LATS1: variants seen among roughly 807,000 people sequenced by gnomAD.
LATS1 encodes serine/threonine-protein kinase LATS1.
LATS1 carries 25 observed loss-of-function variants against 106.6 expected under a neutral mutation model. That is an observed-to-expected ratio of 0.23 (90% CI 0.17 to 0.33). LATS1 has a LOEUF of 0.33. LATS1 is among the 10% of genes least tolerant of loss of function. LATS1 has a pLI of 1.00. For missense variants in LATS1, 1,040 were observed against 1,382.6 expected, an observed-to-expected ratio of 0.75 and a Z score of 3.93; for synonymous variants, 465 against 455.6, an observed-to-expected ratio of 1.02 and a Z score of -0.26.
At chr6:149,697,824 C>T (rs1783187293) in intron 2 of LATS1, among the ~76,000 whole-genome samples, 1 of 151,990 alleles carries the variant, frequency 6.6e-6, no homozygotes, top group East Asian at 1.9e-4. Context: ...CAATCTCCAC[C>T]TCCCGGGTTC....
chr6:149,699,831 A>G (rs1243137026), intron 2 of LATS1, among the ~76,000 whole-genome samples: 1 of 152,236 alleles, frequency 6.6e-6, no homozygotes, highest in Non-Finnish European at 1.5e-5. Flanking sequence ...CCATAAATAC[A>G]TATTACTGGG....
intron 1 of LATS1, among the ~76,000 whole-genome samples, chr6:149,706,770 C>T (rs563297521): frequency 8.6e-5 from 13 of 152,042 alleles, no homozygotes; most frequent in Non-Finnish European, 1.9e-4. Flanking sequence ...CTGGAAGTGG[C>T]AAGGGACAGC....
chr6:149,687,951 T>C (rs1782498701), intron 3 of LATS1, among the ~76,000 whole-genome samples: 1 of 149,788 alleles, frequency 6.7e-6, no homozygotes, highest in Non-Finnish European at 1.5e-5. Flanking sequence ...CTCGGCTCAC[T>C]GCAAGCTCCG....
chr6:149,665,199 T>C (rs1028624009), intron 7 of LATS1, among the ~76,000 whole-genome samples: 9 of 152,032 alleles, frequency 5.9e-5, no homozygotes, highest in Non-Finnish European at 1.2e-4. Flanking sequence ...CCGTCTCTAT[T>C]AAAATACAAA....
intron 1 of LATS1, among the ~76,000 whole-genome samples, chr6:149,706,421 G>C (rs1424618633): frequency 6.6e-6 from 1 of 150,742 alleles, no homozygotes; most frequent in African/African-American, 2.4e-5. Context: ...GAGGTGGGAG[G>C]ATCACTTGAG....
intron 7 of LATS1, among the ~76,000 whole-genome samples, chr6:149,668,804 G>C (rs1348703520): frequency 1.3e-5 from 2 of 151,712 alleles, no homozygotes; most frequent in Non-Finnish European, 2.9e-5. Flanking sequence ...TACATTGTTG[G>C]ATGAGGTAGG....
rs57029776 is a variant in LATS1 at position 149,704,887 on chromosome 6, T to TACACACACACACAC, written c.-140-2635_-140-2622dup. Reference sequence around the variant, plus strand: ...AATTTATATTTATAGAAATTAATTATACACACACACACACACACACACACA... The same window carrying TACACACACACACAC: ...AATTTATATTTATAGAAATTAATTATACACACACACACACACACACACACACACACACACACACA... On this transcript the variant is annotated intron_variant, in intron 1 of 7. Transcript: ENST00000543571. Among the ~76,000 whole-genome samples, 323 of 139,870 alleles carry TACACACACACACAC rather than the reference T, an allele frequency of 2.3e-3. 2 individuals are homozygous for TACACACACACACAC. The highest frequency in any genetic ancestry group is 6.3e-3 in the African/African-American group (234 of 37,412). 91.8% of individuals were successfully genotyped at this position (139,870 alleles called of 152,430 possible).
intron 3 of LATS1, among the ~76,000 whole-genome samples, chr6:149,686,009 G>A (rs530685977): frequency 5.9e-5 from 9 of 152,168 alleles, no homozygotes; most frequent in African/African-American, 2.2e-4. Flanking sequence ...TACCTCTTGC[G>A]AATGTCTTCC....
intron 2 of LATS1, among the ~76,000 whole-genome samples, chr6:149,700,791 CTG>C (rs1406210614): frequency 6.6e-6 from 1 of 152,118 alleles, no homozygotes. Flanking sequence ...ATGTAATTAA[CTG>C]TTTTTTTGAG....
At chr6:149,697,991 T>G (rs1456676858) in intron 2 of LATS1, among the ~76,000 whole-genome samples, 1 of 152,198 alleles carries the variant, frequency 6.6e-6, no homozygotes, top group Non-Finnish European at 1.5e-5. Flanking sequence ...CTACCCACCT[T>G]GGCCTCCTGA....
intron 1 of LATS1, among the ~76,000 whole-genome samples, chr6:149,703,691 C>T (rs1783591167): frequency 1.3e-5 from 2 of 151,952 alleles, no homozygotes; most frequent in Admixed American, 1.3e-4. Flanking sequence ...TAGGGAGACC[C>T]TGTCTACATT....
rs1234115831 is a variant in LATS1 at position 149,684,446 on chromosome 6, A to G, written c.643T>C (p.Leu215=). ...PNSQTDVGRP[L]SGSGISAFVQ... ...AATGCTGATATACCAGATCCAGACAAAGGTCTTCCTACATCTGTCTGTGAG... is the reference window on the plus strand; with the variant it reads ...AATGCTGATATACCAGATCCAGACAGAGGTCTTCCTACATCTGTCTGTGAG... The change falls in exon 4 of 8, where the codon TTG becomes CTG. Residue 215 remains leucine, a synonymous_variant. Transcript: ENST00000543571. 1 of 1,614,004 alleles carries G rather than the reference A, an allele frequency of 6.2e-7. No individual in the cohort carries two copies. Among genetic ancestry groups the G allele is most frequent in the Non-Finnish European group, 8.5e-7 (1 of 1,179,984 alleles).
At chr6:149,703,499 A>C (rs1250842314) in intron 1 of LATS1, among the ~76,000 whole-genome samples, 2 of 152,172 alleles carry the variant, frequency 1.3e-5, no homozygotes, top group Non-Finnish European at 1.5e-5. Flanking sequence ...AGCTGGATAT[A>C]CAGTACTTCT....
rs143759421 is a variant in LATS1 at position 149,669,820 on chromosome 6, T to C, written c.2883+6440A>G. Among the ~76,000 whole-genome samples, 251 of 151,880 alleles carry C rather than the reference T, an allele frequency of 1.7e-3. 2 individuals are homozygous for C. Among genetic ancestry groups the C allele is most frequent in the African/African-American group, 5.7e-3 (235 of 41,306 alleles). On this transcript the variant is annotated intron_variant, in intron 7 of 7. Transcript: ENST00000543571. ...AAATAGTAGAGAATAAAGGGACCTA[T>C]ATGGCAGTATGGTTCTACATTGAAC...
chr6:149,676,206 T>C, intron 7 of LATS1, 54 bp downstream of exon 7: 1 of 1,218,638 alleles, frequency 8.2e-7, no homozygotes, highest in Non-Finnish European at 1.2e-6. Context: ...TAAATAAAAG[T>C]CAATGATGTA....
intron 1 of LATS1, among the ~76,000 whole-genome samples, chr6:149,707,117 G>A (rs1009291664): frequency 5.4e-5 from 8 of 146,814 alleles, no homozygotes; most frequent in Non-Finnish European, 1.2e-4. Context: ...CCTGGTTCAA[G>A]CAATTTTCCT....
rs777023544 is a variant in LATS1, at chr6:149,684,538, G to C, written c.551C>G (p.Ser184Cys). Residue 184 changes from serine (S) to cysteine (C), a missense_variant, in exon 4 of 8, where the codon TCC (serine) becomes TGC (cysteine). By Grantham distance (112) the Ser-to-Cys change is moderately radical (BLOSUM62 -1). Around this residue, in one of 7 missense-constraint regions of LATS1, gnomAD observed 624 missense variants for 714.8 expected, o/e 0.87. Coordinates refer to ENST00000543571, the MANE Select transcript of LATS1 (RefSeq NM_004690.4). ...RKQSWKGSKESLVPQRHGPPL... is the reference protein window; with the variant it reads ...RKQSWKGSKECLVPQRHGPPL... ...CGGGCCATGCCTCTGAGGAACTAAG[G>C]ATTCTTTAGAACCTTTCCAGCTCTG... The C allele has an allele frequency of 1.2e-5, 20 of 1,613,534 alleles. No homozygotes were observed. In the East Asian group the frequency reaches 4.5e-4, roughly 36 times the overall value.
At chr6:149,676,043 T>C in intron 7 of LATS1, 2 of 499,568 alleles carry the variant, frequency 4.0e-6, no homozygotes, top group Non-Finnish European at 7.2e-6. Context: ...TGTAGAGATG[T>C]GGTCTCACAT....
chr6:149,713,011 T>TA (rs1294810217), intron 1 of LATS1, among the ~76,000 whole-genome samples: 6 of 151,836 alleles, frequency 4.0e-5, no homozygotes, highest in African/African-American at 1.5e-4. Context: ...AATAAATAAA[T>TA]AAATAAATTG....
Sources: gnomAD v4.1 joint callset for allele counts (sites outside exome capture counted in the v4.1 genomes callset) on GRCh38, gnomAD v4.1.1 for gene constraint, gnomAD v4.1.1 regional missense constraint, MANE v1.5 for transcripts, NCBI Gene and HGNC (gene_info 2026-07-23, HGNC 2026-07-21) for gene names.